Variants in CDC14A observed in about 807,000 individuals in gnomAD.
CDC14A encodes the protein dual specificity protein phosphatase CDC14A.
Under a neutral mutation model 74.4 loss-of-function variants are expected in CDC14A, and 53 were observed. That is an observed-to-expected ratio of 0.71 (90% CI 0.57 to 0.89). CDC14A has a LOEUF of 0.89. Ranked by LOEUF, CDC14A falls within the 40% of genes least tolerant of loss-of-function variation. The probability of loss-of-function intolerance (pLI) is 0.00; values close to 1 mark genes in which losing one functional copy is unlikely to be tolerated. For synonymous variants in CDC14A, 247 were observed against 258.4 expected (o/e 0.96, Z 0.43); for missense variants, 646 against 713.7 (o/e 0.91, Z 1.08).
upstream of CDC14A, among the ~76,000 whole-genome samples, chr1:100,349,266 A>C (rs1650707320): frequency 6.6e-6 from 1 of 151,792 alleles, no homozygotes; most frequent in African/African-American, 2.4e-5. Context: ...TTCTGTGTGT[A>C]ATATTACCTT....
At chr1:100,370,068 C>G (rs997328642) in intron 2 of CDC14A, among the ~76,000 whole-genome samples, 1 of 151,540 alleles carries the variant, frequency 6.6e-6, no homozygotes, top group Non-Finnish European at 1.5e-5. Context: ...ACTGCAGCCT[C>G]GACCTCCCGG....
At chr1:100,460,883 ACT>A (rs1194492639) in intron 8 of CDC14A, among the ~76,000 whole-genome samples, 3 of 152,150 alleles carry the variant, frequency 2.0e-5, no homozygotes, top group Non-Finnish European at 4.4e-5. Flanking sequence ...TGGCTGTCCA[ACT>A]CTGGTAAAAG....
At chr1:100,438,017 C>A (rs988547303) in intron 5 of CDC14A, among the ~76,000 whole-genome samples, 1 of 151,884 alleles carries the variant, frequency 6.6e-6, no homozygotes, top group African/African-American at 2.4e-5. Flanking sequence ...TTTTTACTGA[C>A]CTTACCTTAT....
At chr1:100,448,456 T>C (rs1447121209) in intron 7 of CDC14A, among the ~76,000 whole-genome samples, 1 of 152,236 alleles carries the variant, frequency 6.6e-6, no homozygotes, top group East Asian at 1.9e-4. Context: ...CCTGCAGGCC[T>C]GATGACAGAG....
chr1:100,395,413 A>G (rs1658332128), intron 4 of CDC14A, among the ~76,000 whole-genome samples: 1 of 152,190 alleles, frequency 6.6e-6, no homozygotes, highest in African/African-American at 2.4e-5. Context: ...GACTTGCTAA[A>G]TCAAAAGAGT....
At chr1:100,353,721 C>A in intron 1 of CDC14A, 41 bp from the exon 2 acceptor site, 2 of 1,075,988 alleles carry the variant, frequency 1.9e-6, no homozygotes, top group Non-Finnish European at 2.8e-6. Context: ...CACTTCTCTA[C>A]TTCTCATATG....
At chr1:100,395,771 A>T (rs1658379633) in intron 4 of CDC14A, among the ~76,000 whole-genome samples, 1 of 151,988 alleles carries the variant, frequency 6.6e-6, no homozygotes, top group Admixed American at 6.6e-5. Flanking sequence ...TTCTGATCTG[A>T]CCCTCTCTAC....
rs570658215 is a variant in CDC14A at position 100,473,331 on chromosome 1, T to C, written c.977+5237T>C. On this transcript the variant is annotated intron_variant, in intron 10 of 15. Transcript: ENST00000336454. Reference sequence around the variant, plus strand: ...TTTTTTTTAGCAATTATAAATGGTATTTATGTCCATATGTTCATTGCTGGT... The same window carrying C: ...TTTTTTTTAGCAATTATAAATGGTACTTATGTCCATATGTTCATTGCTGGT... Among the ~76,000 whole-genome samples the C allele has an allele frequency of 2.6e-5, 4 of 152,296 alleles. No homozygotes were observed. In the East Asian group the frequency reaches 7.7e-4, roughly 29 times the overall value.
intron 8 of CDC14A, among the ~76,000 whole-genome samples, chr1:100,456,748 T>C (rs905946726): frequency 2.0e-5 from 3 of 152,230 alleles, no homozygotes; most frequent in African/African-American, 7.2e-5. Context: ...CTTTCATAAA[T>C]ATGCTTATCA....
chr1:100,516,238 G>A (rs1450953307), intron 15 of CDC14A, among the ~76,000 whole-genome samples: 2 of 152,000 alleles, frequency 1.3e-5, no homozygotes, highest in Non-Finnish European at 2.9e-5. Flanking sequence ...AAATAAATAT[G>A]TAAATAAATG....
At chr1:100,364,288 A>G (rs1196331305) in intron 2 of CDC14A, among the ~76,000 whole-genome samples, 2 of 151,532 alleles carry the variant, frequency 1.3e-5, no homozygotes, top group African/African-American at 4.9e-5. Flanking sequence ...GCTCACTGCA[A>G]CCTCTGCCTC....
intron 5 of CDC14A, among the ~76,000 whole-genome samples, chr1:100,435,662 C>G (rs143217842): frequency 6.6e-6 from 1 of 151,912 alleles, no homozygotes; most frequent in Non-Finnish European, 1.5e-5. Context: ...AACCCTGTCT[C>G]TACGAAAAAT....
chr1:100,412,170 T>G (rs1415228837), intron 4 of CDC14A, among the ~76,000 whole-genome samples: 1 of 152,190 alleles, frequency 6.6e-6, no homozygotes, highest in Admixed American at 6.5e-5. Context: ...TTAAAAACAC[T>G]TTAAAAACTC....
intron 11 of CDC14A, among the ~76,000 whole-genome samples, chr1:100,486,751 CA>C (rs1297007335): frequency 6.6e-6 from 1 of 152,144 alleles, no homozygotes; most frequent in Non-Finnish European, 1.5e-5. Flanking sequence ...TTCTGAAATT[CA>C]AGAGCAGAAA....
intron 5 of CDC14A, among the ~76,000 whole-genome samples, chr1:100,436,945 G>A (rs1316682812): frequency 6.6e-6 from 1 of 152,150 alleles, no homozygotes; most frequent in African/African-American, 2.4e-5. Context: ...TAGCACTTTG[G>A]GAGGCAGAGG....
intron 5 of CDC14A, among the ~76,000 whole-genome samples, chr1:100,429,687 A>AATAT (rs59832646): frequency 6.2e-4 from 89 of 144,506 alleles, no homozygotes; most frequent in African/African-American, 2.0e-3. Flanking sequence ...ACCATGGCAA[A>AATAT]ATATATATAT....
At chr1:100,459,328 C>T (rs979273561) in intron 8 of CDC14A, among the ~76,000 whole-genome samples, 1 of 152,104 alleles carries the variant, frequency 6.6e-6, no homozygotes, top group Non-Finnish European at 1.5e-5. Context: ...TCCTATATAT[C>T]ACAGTGGGAG....
intron 2 of CDC14A, among the ~76,000 whole-genome samples, chr1:100,365,019 T>G (rs981424187): frequency 6.6e-6 from 1 of 152,200 alleles, no homozygotes; most frequent in African/African-American, 2.4e-5. Context: ...CCCTCTGGTG[T>G]TGTAAACCTG....
At chr1:100,419,821 C>G (rs947727301) in intron 4 of CDC14A, among the ~76,000 whole-genome samples, 1 of 151,786 alleles carries the variant, frequency 6.6e-6, no homozygotes, top group African/African-American at 2.4e-5. Context: ...GCAGCACCTA[C>G]CTGGGAAAGG....
Sources: gnomAD v4.1 joint callset for allele counts (sites outside exome capture counted in the v4.1 genomes callset) on GRCh38, gnomAD v4.1.1 for gene constraint, MANE v1.5 for transcripts, NCBI Gene and HGNC (gene_info 2026-07-23, HGNC 2026-07-21) for gene names.